DNMT3B: variants seen among roughly 807,000 people sequenced by gnomAD.
DNMT3B encodes the protein DNA (cytosine-5)-methyltransferase 3B.
A neutral mutation model predicts 120.2 loss-of-function variants in DNMT3B; 37 were observed. The observed-to-expected ratio is 0.31, with a 90% CI of 0.24 to 0.40. DNMT3B has a LOEUF of 0.40. Among genes scored for constraint, DNMT3B ranks in the 10% least tolerant of loss-of-function variants. The probability of loss-of-function intolerance (pLI) is 1.00; values close to 1 mark genes in which losing one functional copy is unlikely to be tolerated. For missense variants in DNMT3B, 878 were observed against 1,137.3 expected, an observed-to-expected ratio of 0.77 and a Z score of 3.28; for synonymous variants, 412 against 442.8, an observed-to-expected ratio of 0.93 and a Z score of 0.87.
intron 4 of DNMT3B, among the ~76,000 whole-genome samples, chr20:32,785,727 A>T (rs573220737): frequency 1.3e-5 from 2 of 152,298 alleles, no homozygotes; most frequent in Non-Finnish European, 2.9e-5. Context: ...CAACAACCAA[A>T]TTCATGCCAT....
chr20:32,777,603 C>T (rs1208328678), intron 1 of DNMT3B, among the ~76,000 whole-genome samples: 1 of 152,142 alleles, frequency 6.6e-6, no homozygotes, highest in Admixed American at 6.5e-5. Flanking sequence ...GGAGGTGGAC[C>T]CTCCTGGAGA....
At chr20:32,804,000 G>A (rs1307369365) in intron 20 of DNMT3B, among the ~76,000 whole-genome samples, 1 of 152,172 alleles carries the variant, frequency 6.6e-6, no homozygotes, top group Non-Finnish European at 1.5e-5. Context: ...TGATTATGAT[G>A]TTATGCCCCA....
chr20:32,783,447 C>T (rs1978869249), intron 3 of DNMT3B, among the ~76,000 whole-genome samples: 1 of 152,092 alleles, frequency 6.6e-6, no homozygotes, highest in Admixed American at 6.6e-5. Context: ...TTTACTGACA[C>T]CGTCTGTTTC....
At position 32,777,559 on chromosome 20, in the gene DNMT3B, A is replaced by T. The variant is rs537663805; in HGVS notation, c.-6-2759A>T. On this transcript the variant is annotated intron_variant, in intron 1 of 22. Coordinates refer to ENST00000328111, the MANE Select transcript of DNMT3B (RefSeq NM_006892.4). ...CTGCTACCAGCTCCTGGCCACAAAC[A>T]AACCCTGTGTGTCCTCCCCCCAGAG... Among the ~76,000 whole-genome samples, 5 of 152,224 alleles carry T rather than the reference A, an allele frequency of 3.3e-5. No individual in the cohort carries two copies. In the South Asian group the frequency reaches 1.0e-3, roughly 32 times the overall value.
At chr20:32,799,560 C>G (rs1340761975) in intron 16 of DNMT3B, among the ~76,000 whole-genome samples, 1 of 152,120 alleles carries the variant, frequency 6.6e-6, no homozygotes, top group Non-Finnish European at 1.5e-5. Flanking sequence ...CCCTTTGTCA[C>G]CCAGGTTAGA....
Position 32,796,721 on chromosome 20 carries a change from G to A in DNMT3B, c.1298-69G>A, listed in dbSNP as rs888852930. ...TGGAGGGAAATCTTAGGAACTGAGA[G>A]ACCCCAGGCTTTAGCAGCTGGTGTC... On this transcript the variant is annotated intron_variant, in intron 12 of 22. Coordinates refer to ENST00000328111, the MANE Select transcript of DNMT3B (RefSeq NM_006892.4). 23 of 1,558,642 alleles carry A rather than the reference G, an allele frequency of 1.5e-5. No homozygotes were observed. In the Admixed American group the frequency reaches 3.5e-4, roughly 24 times the overall value.
At chr20:32,801,447 G>A (rs780728369) in intron 19 of DNMT3B, 21 bp downstream of exon 19, 3 of 1,613,562 alleles carry the variant, frequency 1.9e-6, no homozygotes, top group South Asian at 1.1e-5. Context: ...CTGGGGACCT[G>A]ATTGTCACAG....
At chr20:32,802,332 A>G (rs17368519) in intron 19 of DNMT3B, 53 bp from the exon 20 acceptor site, 51,240 of 1,585,090 alleles carry the variant, frequency 0.032, 1,001 homozygotes, top group Non-Finnish European at 0.039. Flanking sequence ...GGTCTGGTTG[A>G]CACTGAAACT....
chr20:32,767,369 G>A (rs2145842919), intron 1 of DNMT3B, among the ~76,000 whole-genome samples: 1 of 149,138 alleles, frequency 6.7e-6, no homozygotes, highest in Non-Finnish European at 1.5e-5. Context: ...AGACTGGTGA[G>A]GTCTCAGTCT....
intron 7 of DNMT3B, 91 bp from the exon 8 acceptor site, chr20:32,791,510 A>C: frequency 7.9e-7 from 1 of 1,261,734 alleles, no homozygotes; most frequent in Non-Finnish European, 1.1e-6. Context: ...AAGTGTGTGA[A>C]AATCTTCTGC....
intron 1 of DNMT3B, among the ~76,000 whole-genome samples, chr20:32,763,980 G>C (rs1439739042): frequency 6.6e-6 from 1 of 152,182 alleles, no homozygotes; most frequent in Non-Finnish European, 1.5e-5. Context: ...GGGGCTTCTT[G>C]TTCACCCACC....
chr20:32,799,396 C>T (rs1981050692), intron 16 of DNMT3B, 68 bp downstream of exon 16: 5 of 1,544,912 alleles, frequency 3.2e-6, no homozygotes, highest in Non-Finnish European at 8.8e-7. Context: ...AGTCAGAAGG[C>T]ATGGTTAAGG....
At chr20:32,765,974 G>T (rs1425336999) in intron 1 of DNMT3B, among the ~76,000 whole-genome samples, 1 of 151,642 alleles carries the variant, frequency 6.6e-6, no homozygotes, top group Admixed American at 6.6e-5. Context: ...CGCCAGGATG[G>T]TCTCAATCTC....
intron 19 of DNMT3B, among the ~76,000 whole-genome samples, 196 bp downstream of exon 19, chr20:32,801,622 T>G (rs184600691): frequency 6.6e-6 from 1 of 152,162 alleles, no homozygotes; most frequent in East Asian, 1.9e-4. Flanking sequence ...TCTTGCTCTG[T>G]CACCCAGGCT....
chr20:32,773,238 C>G (rs909881924), intron 1 of DNMT3B, among the ~76,000 whole-genome samples: 1 of 152,088 alleles, frequency 6.6e-6, no homozygotes, highest in Admixed American at 6.6e-5. Flanking sequence ...TCCTGAGTAG[C>G]TGGGACTATA....
At chr20:32,803,468 ATGTCTG>A (rs1333534902) in intron 20 of DNMT3B, among the ~76,000 whole-genome samples, 1 of 152,206 alleles carries the variant, frequency 6.6e-6, no homozygotes, top group Admixed American at 6.5e-5. Flanking sequence ...TTAGGGTGCC[ATGTCTG>A]TGTCTGGAAT....
intron 1 of DNMT3B, among the ~76,000 whole-genome samples, chr20:32,773,084 G>GC (rs1987840570): frequency 6.6e-6 from 1 of 151,130 alleles, no homozygotes; most frequent in Non-Finnish European, 1.5e-5. Context: ...CTCCCAAAGT[G>GC]CTGGGATCAC....
intron 1 of DNMT3B, among the ~76,000 whole-genome samples, chr20:32,768,759 G>A (rs182337412): frequency 6.6e-6 from 1 of 152,140 alleles, no homozygotes; most frequent in Non-Finnish European, 1.5e-5. Context: ...CCGCTCTTTT[G>A]TGAAAAGATG....
rs548673056 is a variant in DNMT3B at position 32,800,928 on chromosome 20, G to A, written c.1996+3G>A. ...TCCAGCCAGGAAAGGCCTGTATGGT[G>A]AGCATCCTTCTCTCTGGCAGTCCCT... On this transcript the variant is annotated splice_donor_region_variant and intron_variant, in intron 18 of 22. Coordinates refer to ENST00000328111, the MANE Select transcript of DNMT3B (RefSeq NM_006892.4). 1.3e-5 allele frequency: 21 copies of A among 1,614,200 alleles called. No individual in the cohort carries two copies. The South Asian group carries it at 2.3e-4, about 18-fold the overall frequency.
Sources: allele counts gnomAD v4.1 joint callset (sites outside exome capture counted in the v4.1 genomes callset), GRCh38; gene constraint gnomAD v4.1.1; transcripts MANE v1.5; gene names NCBI Gene and HGNC (gene_info 2026-07-23, HGNC 2026-07-21).